PHYHD1: variants seen among roughly 807,000 people sequenced by gnomAD.
PHYHD1 encodes phytanoyl-CoA dioxygenase domain containing 1.
Under a neutral mutation model 43.6 loss-of-function variants are expected in PHYHD1, and 42 were observed. The ratio of observed to expected loss-of-function variants is 0.96; its 90% CI spans 0.75 to 1.25. PHYHD1 has a LOEUF of 1.25. Ranked by LOEUF, PHYHD1 falls within the 50% of genes most tolerant of loss-of-function variation. The pLI is 0.00. For missense variants in PHYHD1, 342 were observed against 370.8 expected (o/e 0.92, Z 0.64); for synonymous variants, 139 against 143.6 (o/e 0.97, Z 0.23).
chr9:128,927,339 A>C (rs1300549506), intron 4 of PHYHD1, 143 bp downstream of exon 4: 10 of 936,520 alleles, frequency 1.1e-5, no homozygotes, highest in African/African-American at 1.7e-5. Context: ...CTCGCTCCTC[A>C]CTGGGAAGTT....
At chr9:128,932,163 A>ATTTTTTTTTTTTTTT (rs1564540363) in intron 4 of PHYHD1, among the ~76,000 whole-genome samples, 2 of 125,348 alleles carry the variant, frequency 1.6e-5, no homozygotes, top group African/African-American at 6.7e-5. Flanking sequence ...TATTATTATT[A>ATTTTTTTTTTTTTTT]TTATTGTTAT....
intron 9 of PHYHD1, 51 bp downstream of exon 9, chr9:128,937,829 G>A: frequency 6.2e-7 from 1 of 1,613,646 alleles, no homozygotes; most frequent in Non-Finnish European, 8.5e-7. Context: ...GGACATCTAA[G>A]ACAGCAATGG....
At chr9:128,929,166 A>T (rs911856784) in intron 4 of PHYHD1, among the ~76,000 whole-genome samples, 1 of 152,068 alleles carries the variant, frequency 6.6e-6, no homozygotes, top group Non-Finnish European at 1.5e-5. Flanking sequence ...TGTCTCTACA[A>T]AAAAATTTTT....
At chr9:128,928,814 T>G (rs1348714326) in intron 4 of PHYHD1, among the ~76,000 whole-genome samples, 1 of 152,170 alleles carries the variant, frequency 6.6e-6, no homozygotes, top group Non-Finnish European at 1.5e-5. Flanking sequence ...CAATATTCAC[T>G]CTTGATACTG....
chr9:128,922,936 CTTTTTTTTTTTT>C (rs59238657), intron 3 of PHYHD1, among the ~76,000 whole-genome samples: 2 of 90,676 alleles, frequency 2.2e-5, no homozygotes, highest in African/African-American at 9.5e-5. Context: ...ATGCCCAGCT[CTTTTTTTTTTTT>C]TTTTTTTTTT....
intron 11 of PHYHD1, among the ~76,000 whole-genome samples, 162 bp downstream of exon 11, chr9:128,940,877 G>T (rs1322267040): frequency 6.6e-6 from 1 of 152,194 alleles, no homozygotes; most frequent in South Asian, 2.1e-4. Context: ...TCAGGAAGCA[G>T]CATGTTTTCC....
At chr9:128,939,715 C>A (rs1357319915) in intron 9 of PHYHD1, among the ~76,000 whole-genome samples, 3 of 117,050 alleles carry the variant, frequency 2.6e-5, no homozygotes, top group African/African-American at 8.9e-5. Flanking sequence ...AGTGAGGTGG[C>A]ACAGTCTCGG....
intron 9 of PHYHD1, 141 bp from the exon 10 acceptor site, chr9:128,940,228 C>G: frequency 7.5e-7 from 1 of 1,333,426 alleles, no homozygotes; most frequent in Non-Finnish European, 1.0e-6. Flanking sequence ...AGTCCTGGGC[C>G]AGGAAGTGAT....
intron 5 of PHYHD1, 22 bp from the exon 6 acceptor site, chr9:128,933,989 T>C (rs1342304511): frequency 6.2e-7 from 1 of 1,613,670 alleles, no homozygotes; most frequent in Non-Finnish European, 8.5e-7. Context: ...TTCTCTGCCT[T>C]TATCTGTTCT....
intron 4 of PHYHD1, among the ~76,000 whole-genome samples, chr9:128,928,815 C>G (rs1440799446): frequency 1.3e-5 from 2 of 152,144 alleles, no homozygotes; most frequent in African/African-American, 2.4e-5. Flanking sequence ...AATATTCACT[C>G]TTGATACTGT....
chr9:128,922,033 A>G lies in PHYHD1; in HGVS notation c.-56A>G, dbSNP rs1466340502. On this transcript the variant is annotated 5_prime_UTR_variant, in exon 2 of 13. An upstream open reading frame in the 5' UTR loses its in-frame stop. Transcript: ENST00000372592. Reference sequence around the variant, plus strand: ...CTTGGCCTGACCCTCTCACAGCATAATTTCCCGGCACCTGGTAAGCAGTGG... The same window carrying G: ...CTTGGCCTGACCCTCTCACAGCATAGTTTCCCGGCACCTGGTAAGCAGTGG... The G allele has an allele frequency of 4.2e-6, 2 of 474,620 alleles. No individual in the cohort carries two copies. The highest frequency in any genetic ancestry group is 7.5e-6 in the Non-Finnish European group (2 of 266,052). 29.4% of individuals were successfully genotyped at this position (474,620 alleles called of 1,614,324 possible).
chr9:128,927,510 C>T (rs1346717476), intron 4 of PHYHD1, among the ~76,000 whole-genome samples: 1 of 152,086 alleles, frequency 6.6e-6, no homozygotes, highest in African/African-American at 2.4e-5. Context: ...TGAGTAGCTG[C>T]ACTTACAGGC....
At position 128,941,842 on chromosome 9, in the gene PHYHD1, C is replaced by A; in HGVS notation, c.*129C>A. On this transcript the variant is annotated 3_prime_UTR_variant, in exon 13 of 13. Coordinates refer to ENST00000372592, the MANE Select transcript of PHYHD1 (RefSeq NM_001100876.2). ...TCCCCTCCTGGGCTTTCCTCCTGCCCTGTGGGCAGCAGCCTAGGCTGGGTC... is the reference window on the plus strand; with the variant it reads ...TCCCCTCCTGGGCTTTCCTCCTGCCATGTGGGCAGCAGCCTAGGCTGGGTC... The A allele has an allele frequency of 7.7e-7, 1 of 1,301,302 alleles. No homozygotes were observed. The allele number at this position is 1,301,302 out of a possible 1,614,324, so 80.6% of individuals were successfully genotyped here.
rs17854841 is a variant in PHYHD1 at position 128,941,455 on chromosome 9, C to T, written c.714C>T (p.Val238=). The T allele has an allele frequency of 6.2e-7, 1 of 1,613,438 alleles. No homozygotes were observed. Among genetic ancestry groups the T allele is most frequent in the Non-Finnish European group, 8.5e-7 (1 of 1,180,002 alleles). ...TTGTGTCTCTGCCAGGGGCCCTGGT[C>T]CTCATCCATGGAGAAGTGGTACACA... ...VPTPVQRGAL[V]LIHGEVVHKS... Residue 238 remains valine, a synonymous_variant, in exon 12 of 13, where the codon GTC becomes GTT. Coordinates refer to ENST00000372592, the MANE Select transcript of PHYHD1 (RefSeq NM_001100876.2).
chr9:128,933,491 C>T (rs77708791), intron 4 of PHYHD1, among the ~76,000 whole-genome samples: 3,135 of 152,130 alleles, frequency 0.021, 41 homozygotes, highest in Non-Finnish European at 0.032. Context: ...TGACATAAAA[C>T]CAGGGGCCCA....
At position 128,940,449 on chromosome 9, in the gene PHYHD1, G is replaced by A. The variant is rs745313363; in HGVS notation, c.538G>A (p.Ala180Thr). Residue 180 changes from alanine (A) to threonine (T), a missense_variant, in exon 10 of 13, where the codon GCC (alanine) becomes ACC (threonine). Coordinates refer to ENST00000372592, the MANE Select transcript of PHYHD1 (RefSeq NM_001100876.2). ...GGGCGTGTGGATCGCAGTGGAGGAT[G>A]CCACGCTGGAGAACGGCTGTCTCTG... Reference protein sequence around the residue: ...VLGVWIAVEDATLENGCLWFI... With the variant: ...VLGVWIAVEDTTLENGCLWFI... 1.9e-5 allele frequency: 30 copies of A among 1,614,068 alleles called. No individual in the cohort carries two copies. The highest frequency in any genetic ancestry group is 2.4e-5 in the Non-Finnish European group (28 of 1,180,044).
At chr9:128,939,857 G>T (rs1002670576) in intron 9 of PHYHD1, among the ~76,000 whole-genome samples, 1 of 144,956 alleles carries the variant, frequency 6.9e-6, no homozygotes, top group Non-Finnish European at 1.5e-5. Flanking sequence ...GTTTCACCAT[G>T]TTGGCCAGGC....
In PHYHD1 at chr9:128,927,046, G is replaced by C. The variant is rs763760334; in HGVS notation, c.42G>C (p.Gln14His). The C allele has an allele frequency of 1.4e-5, 22 of 1,614,170 alleles. No homozygotes were observed. The highest frequency in any genetic ancestry group is 1.8e-5 in the Non-Finnish European group (21 of 1,180,032). Reference sequence around the variant, plus strand: ...CTCAAGCCTGCCTGCAGTTCCAACAGGATGGATTCCTGGTGCTGGAAGGAT... The same window carrying C: ...CTCAAGCCTGCCTGCAGTTCCAACACGATGGATTCCTGGTGCTGGAAGGAT... ...LSPSQLQKFQQDGFLVLEGFL... is the reference protein window; with the variant it reads ...LSPSQLQKFQHDGFLVLEGFL... The change falls in exon 4 of 13, where the codon CAG (glutamine) becomes CAC (histidine). Residue 14 changes from glutamine to histidine, a missense_variant. Coordinates refer to ENST00000372592, the MANE Select transcript of PHYHD1 (RefSeq NM_001100876.2).
chr9:128,941,599 C>T lies in PHYHD1; in HGVS notation c.830+28C>T, dbSNP rs375584769. ...AGGTGACAGGGTGGGTGTGTGTGCC[C>T]GACAGTCCCCTGGAGGCTGGGAACA... On this transcript the variant is annotated intron_variant, in intron 12 of 12. Transcript: ENST00000372592. 3.7e-5 allele frequency: 59 copies of T among 1,614,092 alleles called. No homozygotes were observed. The African/African-American group carries it at 5.1e-4, about 14-fold the overall frequency.
Sources: allele counts gnomAD v4.1 joint callset (sites outside exome capture counted in the v4.1 genomes callset), GRCh38; gene constraint gnomAD v4.1.1; transcripts MANE v1.5; gene names NCBI Gene and HGNC (gene_info 2026-07-23, HGNC 2026-07-21).